COL4A3: variants seen among roughly 807,000 people sequenced by gnomAD.
COL4A3 encodes the protein collagen type IV alpha 3 chain.
COL4A3 carries 135 observed loss-of-function variants against 217.4 expected under a neutral mutation model. The observed-to-expected ratio is 0.62, with a 90% CI of 0.54 to 0.72. The LOEUF (loss-of-function observed/expected upper bound fraction) is 0.72, where lower values mean the gene tolerates loss of function less well. COL4A3 is among the 30% of genes least tolerant of loss of function. The pLI is 0.00. For synonymous variants in COL4A3, 690 were observed against 736.3 expected (o/e 0.94, Z 1.02); for missense variants, 1,868 against 2,119.9 (o/e 0.88, Z 2.33).
At position 227,246,013 on chromosome 2, in the gene COL4A3, T is replaced by C. The variant is rs2125910138; in HGVS notation, c.384T>C (p.Ser128=). 2 of 1,610,866 alleles carry C rather than the reference T, an allele frequency of 1.2e-6. No individual in the cohort carries two copies. The highest frequency in any genetic ancestry group is 2.2e-5 in the South Asian group (2 of 91,014). ...TCGGTGTACCAGGATGCAGTGGTTC[T>C]AAGGTAAGTACTTTTCACACAGAAG... is the stretch of plus-strand genomic sequence containing the variant. ...GLVGVPGCSG[S]KGEQGFPGLP... The change falls in exon 6 of 52, where the codon TCT becomes TCC. Residue 128 remains serine, a synonymous_variant. Coordinates refer to ENST00000396578, the MANE Select transcript of COL4A3 (RefSeq NM_000091.5).
At chr2:227,246,478 A>G (rs2069346621) in intron 6 of COL4A3, among the ~76,000 whole-genome samples, 1 of 152,234 alleles carries the variant, frequency 6.6e-6, no homozygotes, top group African/African-American at 2.4e-5. Context: ...CCATTTATGC[A>G]CAATTTGAGA....
chr2:227,212,092 T>G (rs903331877), intron 1 of COL4A3, among the ~76,000 whole-genome samples: 1 of 152,314 alleles, frequency 6.6e-6, no homozygotes, highest in East Asian at 1.9e-4. Context: ...AGCATGTGTT[T>G]ATATGTTTAT....
At chr2:227,226,496 G>GTTTT (rs2068101720) in intron 1 of COL4A3, among the ~76,000 whole-genome samples, 1 of 146,794 alleles carries the variant, frequency 6.8e-6, no homozygotes. Context: ...TTTAGATGGA[G>GTTTT]TCTTGCTCTG....
At chr2:227,266,865 C>T (rs545613079) in intron 22 of COL4A3, 128 bp from the exon 23 acceptor site, 32 of 719,550 alleles carry the variant, frequency 4.4e-5, no homozygotes, top group Middle Eastern at 2.4e-4. Flanking sequence ...ATATGTATAA[C>T]GTCCTAGATA....
chr2:227,237,915 G>A, intron 1 of COL4A3, 53 bp from the exon 2 acceptor site: 1 of 1,333,682 alleles, frequency 7.5e-7, no homozygotes, highest in Non-Finnish European at 1.1e-6. Flanking sequence ...CCTGCCGGTT[G>A]GGATTTATTC....
At chr2:227,244,614 G>A (rs2069212016) in intron 4 of COL4A3, among the ~76,000 whole-genome samples, 1 of 152,122 alleles carries the variant, frequency 6.6e-6, no homozygotes, top group Admixed American at 6.5e-5. Context: ...ATGAGATGAT[G>A]GTATATAAAA....
At chr2:227,265,621 G>C (rs2070837958) in intron 21 of COL4A3, among the ~76,000 whole-genome samples, 1 of 152,198 alleles carries the variant, frequency 6.6e-6, no homozygotes, top group Non-Finnish European at 1.5e-5. Context: ...AGAGAAAACA[G>C]ATGATACCCT....
At chr2:227,252,493 G>A (rs559360091) in intron 11 of COL4A3, among the ~76,000 whole-genome samples, 24 of 151,934 alleles carry the variant, frequency 1.6e-4, no homozygotes, top group Admixed American at 3.3e-4. Context: ...TGGAATTACA[G>A]GCATGAGCCA....
chr2:227,245,244 CCCTCCATATCCAGTGATT>C lies in COL4A3; in HGVS notation c.324+252_324+269del, dbSNP rs1326456140. On this transcript the variant is annotated intron_variant, in intron 5 of 51. Coordinates refer to ENST00000396578, the MANE Select transcript of COL4A3 (RefSeq NM_000091.5). The stretch of plus-strand genomic sequence containing the variant: ...ATTAGTAAATTATATGGTAAGTCGG[CCCTCCATATCCAGTGATT>C]CCACATCCATGGATTCAACCAACCA... Among the ~76,000 whole-genome samples the C allele has an allele frequency of 3.9e-4, 59 of 151,766 alleles. 1 individual carries two copies. Among genetic ancestry groups the C allele is most frequent in the African/African-American group, 9.7e-4 (40 of 41,388 alleles).
rs768624338 is a variant in COL4A3 at position 227,309,214 on chromosome 2, T to C, written c.4651T>C (p.Cys1551Arg). Reference sequence around the variant, plus strand: ...TGTTTCATGTTACAGATGCACTGTTTGTGAAGGTCCTGCGATCGCCATAGC... The same window carrying C: ...TGTTTCATGTTACAGATGCACTGTTCGTGAAGGTCCTGCGATCGCCATAGC... ...LEPYISRCTVCEGPAIAIAVH... is the reference protein window; with the variant it reads ...LEPYISRCTVREGPAIAIAVH... The change falls in exon 50 of 52, where the codon TGT (cysteine) becomes CGT (arginine). Residue 1551 changes from cysteine to arginine, a missense_variant. Around this residue, in one of 2 missense-constraint regions of COL4A3, gnomAD observed 1,503 missense variants for 1,786.1 expected, o/e 0.84. Coordinates refer to ENST00000396578, the MANE Select transcript of COL4A3 (RefSeq NM_000091.5). The C allele has an allele frequency of 6.8e-6, 11 of 1,614,208 alleles. No individual in the cohort carries two copies. The highest frequency in any genetic ancestry group is 9.3e-6 in the Non-Finnish European group (11 of 1,180,018).
intron 1 of COL4A3, among the ~76,000 whole-genome samples, chr2:227,189,544 G>A (rs2066151881): frequency 6.6e-6 from 1 of 152,158 alleles, no homozygotes; most frequent in South Asian, 2.1e-4. Context: ...CCAGAGACTT[G>A]TGCTACATTC....
chr2:227,210,426 A>AGG (rs1230382680), intron 1 of COL4A3, among the ~76,000 whole-genome samples: 1 of 149,752 alleles, frequency 6.7e-6, no homozygotes, highest in African/African-American at 2.5e-5. Context: ...CCCCATCTCT[A>AGG]CTAAAAATAA....
intron 1 of COL4A3, among the ~76,000 whole-genome samples, chr2:227,186,259 GAAGTCA>G (rs2066029764): frequency 6.6e-6 from 1 of 152,176 alleles, no homozygotes; most frequent in Admixed American, 6.5e-5. Flanking sequence ...TACATAATGA[GAAGTCA>G]AAGAAACCAA....
At chr2:227,229,847 G>A (rs774295381) in intron 1 of COL4A3, among the ~76,000 whole-genome samples, 13 of 152,026 alleles carry the variant, frequency 8.6e-5, no homozygotes, top group Non-Finnish European at 1.8e-4. Flanking sequence ...AGGAGATCGA[G>A]ACCATCCTGG....
chr2:227,307,678 A>C, intron 47 of COL4A3, 32 bp from the exon 48 acceptor site: 9 of 1,547,060 alleles, frequency 5.8e-6, no homozygotes, highest in Non-Finnish European at 8.0e-6. Context: ...ATTTTTGTGT[A>C]TGTTGCAACA....
intron 1 of COL4A3, among the ~76,000 whole-genome samples, chr2:227,233,656 A>C (rs2068529608): frequency 6.6e-6 from 1 of 152,222 alleles, no homozygotes; most frequent in Non-Finnish European, 1.5e-5. Context: ...AAAGTTCAAG[A>C]CCCAAACTAA....
intron 1 of COL4A3, among the ~76,000 whole-genome samples, chr2:227,211,141 C>T (rs897130602): frequency 2.0e-5 from 3 of 152,098 alleles, no homozygotes; most frequent in African/African-American, 7.2e-5. Context: ...GCTGGGACTA[C>T]AGGCACATGC....
intron 1 of COL4A3, among the ~76,000 whole-genome samples, chr2:227,188,104 G>T (rs940316657): frequency 2.6e-5 from 4 of 151,438 alleles, no homozygotes; most frequent in South Asian, 2.1e-4. Flanking sequence ...TAAAATAAAT[G>T]TTAGTAACTC....
At chr2:227,283,950 A>G in intron 33 of COL4A3, 94 bp downstream of exon 33, 1 of 1,194,856 alleles carries the variant, frequency 8.4e-7, no homozygotes, top group South Asian at 1.2e-5. Flanking sequence ...GGAGGGAAAA[A>G]TAGTTCTGAG....
Sources: allele counts gnomAD v4.1 joint callset (sites outside exome capture counted in the v4.1 genomes callset), GRCh38; gene constraint gnomAD v4.1.1; regional missense constraint gnomAD v4.1.1; transcripts MANE v1.5; gene names NCBI Gene and HGNC (gene_info 2026-07-23, HGNC 2026-07-21).